KCNIP4: variants seen among roughly 807,000 people sequenced by gnomAD.
The protein encoded by KCNIP4 is Kv channel-interacting protein 4.
In KCNIP4, 12 loss-of-function variants were observed where a neutral mutation model predicts 34.0. The observed-to-expected ratio is 0.35, with a 90% CI of 0.23 to 0.57. The LOEUF (loss-of-function observed/expected upper bound fraction) is 0.57, where lower values mean the gene tolerates loss of function less well. KCNIP4 is among the 20% of genes least tolerant of loss of function. The pLI is 0.83. For missense variants in KCNIP4, 238 were observed against 311.7 expected (o/e 0.76, Z 1.78); for synonymous variants, 124 against 102.2 (o/e 1.21, Z -1.29).
chr4:21,902,583 C>A (rs1727768433), intron 1 of KCNIP4, among the ~76,000 whole-genome samples: 1 of 151,986 alleles, frequency 6.6e-6, no homozygotes, highest in South Asian at 2.1e-4. Flanking sequence ...AAAGGAAAAA[C>A]TTTCAGGTCA....
At chr4:21,427,921 G>C (rs1292569160) in intron 1 of KCNIP4, among the ~76,000 whole-genome samples, 1 of 152,154 alleles carries the variant, frequency 6.6e-6, no homozygotes, top group Middle Eastern at 3.2e-3. Flanking sequence ...TGAAGCTGTA[G>C]GCTGATTTTC....
chr4:21,271,827 G>A (rs1451698788), intron 1 of KCNIP4, among the ~76,000 whole-genome samples: 2 of 152,170 alleles, frequency 1.3e-5, no homozygotes, highest in African/African-American at 4.8e-5. Flanking sequence ...CTGCTGGTTT[G>A]GCAGTGATTT....
intron 1 of KCNIP4, among the ~76,000 whole-genome samples, chr4:21,238,738 C>G (rs1302887265): frequency 6.6e-6 from 1 of 152,108 alleles, no homozygotes; most frequent in South Asian, 2.1e-4. Flanking sequence ...AGGATACAAA[C>G]AAATGGAAGA....
At chr4:21,254,130 G>T (rs886943691) in intron 1 of KCNIP4, among the ~76,000 whole-genome samples, 5 of 152,198 alleles carry the variant, frequency 3.3e-5, no homozygotes, top group Non-Finnish European at 5.9e-5. Flanking sequence ...GATTGAAAAT[G>T]TTGATGCATG....
rs1168223849 is a variant in KCNIP4 at position 21,540,908 on chromosome 4, C to T, written c.61+407663G>A. ...AGATGAGGCCTGGCACGGTGGCTCA[C>T]GCCTGTAATCCCAGCACTTTGGGAG... is the stretch of plus-strand genomic sequence containing the variant. On this transcript the variant is annotated intron_variant, in intron 1 of 8. Coordinates refer to ENST00000382152, the MANE Select transcript of KCNIP4 (RefSeq NM_025221.6). Among the ~76,000 whole-genome samples, 27 of 152,090 alleles carry T rather than the reference C, an allele frequency of 1.8e-4. No homozygotes were observed. In the East Asian group the frequency reaches 4.1e-3, roughly 23 times the overall value.
intron 8 of KCNIP4, 47 bp from the exon 9 acceptor site, chr4:20,730,176 G>GAAAAGTACACTAT: frequency 1.3e-6 from 2 of 1,567,762 alleles, no homozygotes; most frequent in African/African-American, 2.7e-5. Flanking sequence ...TATCTGCAAG[G>GAAAAGTACACTAT]AAAAGTACAC....
intron 1 of KCNIP4, among the ~76,000 whole-genome samples, chr4:20,949,506 G>A (rs994822666): frequency 8.5e-5 from 13 of 152,078 alleles, no homozygotes; most frequent in Non-Finnish European, 1.6e-4. Flanking sequence ...TCCCATTACT[G>A]GGTATATACC....
chr4:21,093,805 A>G (rs775447588), intron 1 of KCNIP4, among the ~76,000 whole-genome samples: 2 of 152,326 alleles, frequency 1.3e-5, no homozygotes, highest in African/African-American at 2.4e-5. Context: ...AAAGCTGGCC[A>G]GGCACGTTGG....
intron 1 of KCNIP4, among the ~76,000 whole-genome samples, chr4:21,896,115 C>G (rs1225955659): frequency 6.6e-6 from 1 of 152,146 alleles, no homozygotes; most frequent in Non-Finnish European, 1.5e-5. Flanking sequence ...CTCACTTCCT[C>G]CTTACAACCT....
At chr4:20,870,511 C>T (rs2099442) in intron 2 of KCNIP4, among the ~76,000 whole-genome samples, 2 of 152,118 alleles carry the variant, frequency 1.3e-5, no homozygotes, top group Non-Finnish European at 2.9e-5. Flanking sequence ...TGAGAACAAA[C>T]TAATACACAT....
intron 3 of KCNIP4, among the ~76,000 whole-genome samples, chr4:20,820,781 C>T (rs1306323447): frequency 6.6e-6 from 1 of 152,178 alleles, no homozygotes; most frequent in African/African-American, 2.4e-5. Flanking sequence ...AGGCTTACTA[C>T]CCAGGGCCAA....
chr4:21,150,436 C>T (rs915509061), intron 1 of KCNIP4, among the ~76,000 whole-genome samples: 1 of 144,866 alleles, frequency 6.9e-6, no homozygotes, highest in Non-Finnish European at 1.5e-5. Context: ...GATGGCTCCC[C>T]TGACTGTGAT....
At position 21,025,642 on chromosome 4, in the gene KCNIP4, C is replaced by T. The variant is rs192778062; in HGVS notation, c.62-142933G>A. ...GATTTCGCCTCACTGCCAGCTCTGC[C>T]TCCCGGGTTCACGCCATTCTCCTGC... On this transcript the variant is annotated intron_variant, in intron 1 of 8. Coordinates refer to ENST00000382152, the MANE Select transcript of KCNIP4 (RefSeq NM_025221.6). 4.3e-3 allele frequency among the ~76,000 whole-genome samples: 612 copies of T among 143,894 alleles called. 4 individuals carry two copies. Among genetic ancestry groups the T allele is most frequent in the African/African-American group, 0.015 (562 of 38,622 alleles). The allele number at this position is 143,894 out of a possible 152,430, so 94.4% of individuals were successfully genotyped here. A position where few individuals can be genotyped will look rare whatever the true frequency, so the allele number is the denominator to read the frequency against.
intron 1 of KCNIP4, among the ~76,000 whole-genome samples, chr4:20,891,744 G>T (rs925571555): frequency 1.1e-4 from 16 of 152,122 alleles, no homozygotes; most frequent in African/African-American, 3.4e-4. Context: ...TTTTTTACTA[G>T]TTGCAAATAT....
chr4:21,512,210 A>G (rs1484305776), intron 1 of KCNIP4, among the ~76,000 whole-genome samples: 2 of 151,764 alleles, frequency 1.3e-5, no homozygotes, highest in South Asian at 2.1e-4. Flanking sequence ...CGAAGGAAGG[A>G]AGGAAGGAAG....
chr4:21,715,333 T>C (rs1194187999), intron 1 of KCNIP4, among the ~76,000 whole-genome samples: 2 of 151,972 alleles, frequency 1.3e-5, no homozygotes, highest in Non-Finnish European at 2.9e-5. Flanking sequence ...GGTTTCACCG[T>C]GTTGGCCAGG....
intron 3 of KCNIP4, among the ~76,000 whole-genome samples, chr4:20,842,410 G>GAAAA (rs1719845987): frequency 6.6e-6 from 1 of 151,858 alleles, no homozygotes; most frequent in South Asian, 2.1e-4. Context: ...ATGAGTGAGG[G>GAAAA]GTGAGACGCG....
chr4:21,467,054 AC>A lies in KCNIP4; in HGVS notation c.61+481516del, dbSNP rs574701040. Reference sequence around the variant, plus strand: ...AAAAAATGTGACAAACCAAAACCAAACCAAACCAAACCAAAACAAACACACA... The same window carrying A: ...AAAAAATGTGACAAACCAAAACCAAACAAACCAAACCAAAACAAACACACA... On this transcript the variant is annotated intron_variant, in intron 1 of 8. Coordinates refer to ENST00000382152, the MANE Select transcript of KCNIP4 (RefSeq NM_025221.6). 9.2e-4 allele frequency among the ~76,000 whole-genome samples: 130 copies of A among 142,042 alleles called. 1 individual carries two copies. Among genetic ancestry groups the A allele is most frequent in the African/African-American group, 3.2e-3 (121 of 37,846 alleles). The allele number at this position is 142,042 out of a possible 152,430, so 93.2% of individuals were successfully genotyped here.
intron 1 of KCNIP4, among the ~76,000 whole-genome samples, chr4:21,378,797 A>T (rs576788030): frequency 1.3e-5 from 2 of 152,228 alleles, no homozygotes; most frequent in East Asian, 3.9e-4. Context: ...ATACTTTTCT[A>T]TTTTTGTTTA....
Sources: allele counts gnomAD v4.1 joint callset (sites outside exome capture counted in the v4.1 genomes callset), GRCh38; gene constraint gnomAD v4.1.1; transcripts MANE v1.5; gene names NCBI Gene and HGNC (gene_info 2026-07-23, HGNC 2026-07-21).